PTPDC1: variants seen among roughly 807,000 people sequenced by gnomAD.
PTPDC1 encodes protein tyrosine phosphatase domain containing 1.
A neutral mutation model predicts 75.3 loss-of-function variants in PTPDC1; 53 were observed. That is an observed-to-expected ratio of 0.70 (90% CI 0.56 to 0.88). The LOEUF (loss-of-function observed/expected upper bound fraction) is 0.88, where lower values mean the gene tolerates loss of function less well. Ranked by LOEUF, PTPDC1 falls within the 40% of genes least tolerant of loss-of-function variation. The pLI is 0.00. For synonymous variants in PTPDC1, 349 were observed against 366.2 expected, an observed-to-expected ratio of 0.95 and a Z score of 0.54; for missense variants, 925 against 998.6, an observed-to-expected ratio of 0.93 and a Z score of 0.99.
At position 94,090,858 on chromosome 9, in the gene PTPDC1, C is replaced by A. The variant is rs1485674073; in HGVS notation, c.616+2595C>A. Among the ~76,000 whole-genome samples the A allele has an allele frequency of 2.1e-5, 3 of 143,170 alleles. No individual in the cohort carries two copies. In the South Asian group the frequency reaches 7.0e-4, roughly 33 times the overall value. The allele number at this position is 143,170 out of a possible 152,430, so 93.9% of individuals were successfully genotyped here. A position where few individuals can be genotyped will look rare whatever the true frequency, so the allele number is the denominator to read the frequency against. ...TTTGAAGCAATTGTGAATGGGAGTT[C>A]ACTCATGATTTGGCTCTCTGTTTGT... On this transcript the variant is annotated intron_variant, in intron 4 of 8. Transcript: ENST00000620992.
upstream of PTPDC1, among the ~76,000 whole-genome samples, chr9:94,079,781 G>A (rs755130026): frequency 2.0e-5 from 3 of 152,168 alleles, no homozygotes; most frequent in Non-Finnish European, 2.9e-5. Flanking sequence ...AGCTTGAGGC[G>A]GGGACAACAG....
At chr9:94,066,142 G>C (rs909091595) in intron 2 of PTPDC1, among the ~76,000 whole-genome samples, 3 of 152,078 alleles carry the variant, frequency 2.0e-5, no homozygotes, top group African/African-American at 7.2e-5. Context: ...CCAGGTTCCA[G>C]TGACAATGAA....
chr9:94,090,553 G>A (rs1827275367), intron 4 of PTPDC1, among the ~76,000 whole-genome samples: 1 of 107,882 alleles, frequency 9.3e-6, no homozygotes. Flanking sequence ...GGATTGACTT[G>A]GTGATGCGGG....
chr9:94,096,008 C>T (rs1827550893), intron 5 of PTPDC1, among the ~76,000 whole-genome samples: 1 of 152,154 alleles, frequency 6.6e-6, no homozygotes, highest in Admixed American at 6.5e-5. Flanking sequence ...ATGTGCTTTC[C>T]ATTTTTGGAG....
chr9:94,033,431 G>A (rs1829764642), intron 1 of PTPDC1, among the ~76,000 whole-genome samples: 1 of 152,146 alleles, frequency 6.6e-6, no homozygotes, highest in African/African-American at 2.4e-5. Context: ...TTCTGTGGAG[G>A]CAACATGGGG....
intron 2 of PTPDC1, among the ~76,000 whole-genome samples, chr9:94,086,826 G>T (rs1827088321): frequency 6.6e-6 from 1 of 152,322 alleles, no homozygotes; most frequent in African/African-American, 2.4e-5. Flanking sequence ...GAGAGACCAA[G>T]TAATTTGCTA....
intron 4 of PTPDC1, among the ~76,000 whole-genome samples, chr9:94,088,830 T>G (rs1317668334): frequency 1.3e-5 from 2 of 152,188 alleles, no homozygotes; most frequent in African/African-American, 4.8e-5. Flanking sequence ...ATCTTGGAAC[T>G]TGTTTTTAAG....
chr9:94,038,451 G>A, intron 1 of PTPDC1: 1 of 315,944 alleles, frequency 3.2e-6, no homozygotes, highest in East Asian at 7.0e-5. Flanking sequence ...ATTACTGACA[G>A]AATATTTTAT....
chr9:94,075,794 G>A (rs1391085971), intron 2 of PTPDC1, among the ~76,000 whole-genome samples: 2 of 152,172 alleles, frequency 1.3e-5, no homozygotes. Flanking sequence ...AAGGAAAGGA[G>A]AGCAGGAAGG....
At chr9:94,061,441 C>T (rs1299911712) in intron 1 of PTPDC1, among the ~76,000 whole-genome samples, 2 of 152,246 alleles carry the variant, frequency 1.3e-5, no homozygotes, top group African/African-American at 4.8e-5. Flanking sequence ...TAGGCAGTGC[C>T]CCAGTGGGGA....
intron 1 of PTPDC1, among the ~76,000 whole-genome samples, chr9:94,035,436 G>T (rs1028968611): frequency 6.6e-6 from 1 of 152,086 alleles, no homozygotes; most frequent in Non-Finnish European, 1.5e-5. Flanking sequence ...GTACTTCTGT[G>T]CCTGGCTTAT....
intron 1 of PTPDC1, among the ~76,000 whole-genome samples, chr9:94,048,800 T>C (rs1825695898): frequency 6.6e-6 from 1 of 152,158 alleles, no homozygotes; most frequent in Non-Finnish European, 1.5e-5. Flanking sequence ...ATGGGGATAG[T>C]GGGGTGTTAA....
At chr9:94,070,411 A>G (rs1826473674) in intron 2 of PTPDC1, among the ~76,000 whole-genome samples, 1 of 152,112 alleles carries the variant, frequency 6.6e-6, no homozygotes, top group Non-Finnish European at 1.5e-5. Flanking sequence ...CTTAGGCTTT[A>G]TGTATGGCTC....
rs1270307759 is a variant in PTPDC1, at chr9:94,097,893, A to G, written c.1327A>G (p.Arg443Gly). 1 of 1,614,202 alleles carries G rather than the reference A, an allele frequency of 6.2e-7. No individual in the cohort carries two copies. Residue 443 changes from arginine to glycine, a missense_variant, in exon 6 of 9, where the codon AGG becomes GGG. Physicochemically the swap from Arg to Gly is moderately radical, Grantham distance 125. Transcript: ENST00000620992. ...CCTTCAACCCCTGACTCATCTGAAA[A>G]GGCGGCTCAGCTACAGTGACTCAGA... ...ECLQPLTHLK[R>G]RLSYSDSDLK...
upstream of PTPDC1, chr9:94,084,328 A>T: frequency 1.9e-6 from 1 of 535,084 alleles, no homozygotes; most frequent in East Asian, 3.5e-5. Flanking sequence ...TCCAAAATGC[A>T]ATCTGTTCAT....
At chr9:94,048,220 T>G (rs566232801) in intron 1 of PTPDC1, among the ~76,000 whole-genome samples, 23 of 152,358 alleles carry the variant, frequency 1.5e-4, no homozygotes, top group African/African-American at 5.5e-4. Flanking sequence ...TCTGCTCTGA[T>G]CTTAGTTATT....
chr9:94,101,910 A>G (rs568876027), intron 7 of PTPDC1, among the ~76,000 whole-genome samples, 159 bp downstream of exon 7: 36 of 152,352 alleles, frequency 2.4e-4, no homozygotes, highest in African/African-American at 7.5e-4. Context: ...ACTGATACCC[A>G]GTGTAAACAC....
At chr9:94,095,251 CATTA>C in intron 4 of PTPDC1, 62 bp from the exon 5 acceptor site, 1 of 1,294,898 alleles carries the variant, frequency 7.7e-7, no homozygotes, top group Non-Finnish European at 1.1e-6. Flanking sequence ...GTGTACTTTT[CATTA>C]GTGTTTGTAC....
intron 1 of PTPDC1, among the ~76,000 whole-genome samples, chr9:94,033,363 G>T (rs1587831005): frequency 6.6e-6 from 1 of 152,120 alleles, no homozygotes; most frequent in East Asian, 1.9e-4. Context: ...TTATTATCTG[G>T]ATCGTTTCAC....
Sources: gnomAD v4.1 joint callset for allele counts (sites outside exome capture counted in the v4.1 genomes callset) on GRCh38, gnomAD v4.1.1 for gene constraint, MANE v1.5 for transcripts, NCBI Gene and HGNC (gene_info 2026-07-23, HGNC 2026-07-21) for gene names.